Variants in CNP observed in about 807,000 individuals in gnomAD.
CNP encodes 2',3'-cyclic-nucleotide 3'-phosphodiesterase.
In CNP, 8 loss-of-function variants were observed where a neutral mutation model predicts 37.9. The observed-to-expected ratio is 0.21, with a 90% confidence interval of 0.12 to 0.38. The LOEUF is 0.38. Among genes scored for constraint, CNP ranks in the 10% least tolerant of loss-of-function variants. CNP has a pLI of 1.00. For missense variants in CNP, 457 were observed against 551.0 expected (o/e 0.83, Z 1.71); for synonymous variants, 237 against 238.3 (o/e 0.99, Z 0.05).
Position 41,968,402 on chromosome 17 carries a change from G to A in CNP, c.338G>A (p.Arg113His). The change falls in exon 2 of 4, where the codon CGC becomes CAC. Residue 113 changes from arginine to histidine, a missense_variant. This residue lies in a region of CNP where 166 missense variants were observed against 259.3 expected (regional missense o/e 0.64). Coordinates refer to ENST00000393892, the MANE Select transcript of CNP (RefSeq NM_033133.5). This position sits in a 1 kb window ranked among gnomAD's most constrained non-coding sequence, Gnocchi z 4.8. ...LDEDLAAYCR[R>H]RDIRILVLDD... ...GAGGACCTGGCTGCCTACTGCCGCC[G>A]CCGGGACATCAGAATTCTTGTGCTT... The A allele has an allele frequency of 1.2e-6, 2 of 1,614,120 alleles. No homozygotes were observed. The highest frequency in any genetic ancestry group is 1.7e-6 in the Non-Finnish European group (2 of 1,180,010).
chr17:41,973,211 G>T (rs547402864), intron 3 of CNP, among the ~76,000 whole-genome samples: 72 of 152,320 alleles, frequency 4.7e-4, no homozygotes, highest in Admixed American at 1.8e-3. Flanking sequence ...CAGTGTGCAG[G>T]GAGCTGGGCT....
intron 3 of CNP, 21 bp downstream of exon 3, chr17:41,972,052 C>T: frequency 6.2e-7 from 1 of 1,611,076 alleles, no homozygotes; most frequent in South Asian, 1.1e-5. Flanking sequence ...CCCAGGGACA[C>T]ATGGGGGAGG....
chr17:41,976,918 G>T lies in CNP; in HGVS notation c.*2994G>T. 1 of 925,394 alleles carries T rather than the reference G, an allele frequency of 1.1e-6. No homozygotes were observed. The highest frequency in any genetic ancestry group is 1.6e-6 in the Non-Finnish European group (1 of 622,986). 57.3% of individuals were successfully genotyped at this position (925,394 alleles called of 1,614,324 possible). ...GTATCAAACAGCTCAGGCTGTTTTTGGGTGCAAGAGGGAGCACGTGACTGT... is the reference window on the plus strand; with the variant it reads ...GTATCAAACAGCTCAGGCTGTTTTTTGGTGCAAGAGGGAGCACGTGACTGT... On this transcript the variant is annotated 3_prime_UTR_variant, in exon 4 of 4. Coordinates refer to ENST00000393892, the MANE Select transcript of CNP (RefSeq NM_033133.5).
Position 41,977,408 on chromosome 17 carries a change from G to C in CNP, c.*3484G>C. ...AAGAGAACTGATGACACTGAGAACAGATCTCCAAAGCTTTCCTGGAGAGTC... is the reference window on the plus strand; with the variant it reads ...AAGAGAACTGATGACACTGAGAACACATCTCCAAAGCTTTCCTGGAGAGTC... On this transcript the variant is annotated 3_prime_UTR_variant, in exon 4 of 4. Coordinates refer to ENST00000393892, the MANE Select transcript of CNP (RefSeq NM_033133.5). The C allele has an allele frequency of 2.4e-6, 3 of 1,247,528 alleles. No individual in the cohort carries two copies. Among genetic ancestry groups the C allele is most frequent in the South Asian group, 1.3e-5 (1 of 75,204 alleles). 77.3% of individuals were successfully genotyped at this position (1,247,528 alleles called of 1,614,324 possible). A position where few individuals can be genotyped will look rare whatever the true frequency, so the allele number is the denominator to read the frequency against.
Position 41,971,880 on chromosome 17 carries a change from T to G in CNP, c.677-12T>G. 6.2e-7 allele frequency: 1 copy of G among 1,613,656 alleles called. No individual in the cohort carries two copies. The highest frequency in any genetic ancestry group is 8.5e-7 in the Non-Finnish European group (1 of 1,179,776). ...CTCCCCTGCCCTGACTGCACCCGTT[T>G]TCTCCCGGCAGTCGTCCCTGGGGAT... is the stretch of plus-strand genomic sequence containing the variant. On this transcript the variant is annotated splice_polypyrimidine_tract_variant and intron_variant, in intron 2 of 3. Coordinates refer to ENST00000393892, the MANE Select transcript of CNP (RefSeq NM_033133.5).
At chr17:41,967,034 G>T (rs2050907649) in intron 1 of CNP, 147 bp downstream of exon 1, 3 of 928,144 alleles carry the variant, frequency 3.2e-6, no homozygotes, top group South Asian at 4.1e-5. Flanking sequence ...CGGCCCTGAG[G>T]TCTGGGAGAA....
intron 2 of CNP, among the ~76,000 whole-genome samples, chr17:41,969,269 A>G (rs1455253866): frequency 6.6e-6 from 1 of 152,122 alleles, no homozygotes; most frequent in African/African-American, 2.4e-5. Context: ...CAATTTACTC[A>G]TGGGTTTGTG....
chr17:41,970,755 C>T (rs537762867), intron 2 of CNP: 2 of 152,304 alleles, frequency 1.3e-5, no homozygotes, highest in East Asian at 3.9e-4. Context: ...GCCAGCAAGG[C>T]TGCTCTCAGG....
In CNP at chr17:41,975,746, C is replaced by T. The variant is rs2051066701; in HGVS notation, c.*1822C>T. 1 of 152,206 alleles carries T rather than the reference C, an allele frequency of 6.6e-6. No individual in the cohort carries two copies. The highest frequency in any genetic ancestry group is 1.5e-5 in the Non-Finnish European group (1 of 68,048). 9.4% of individuals were successfully genotyped at this position (152,206 alleles called of 1,614,324 possible). On this transcript the variant is annotated 3_prime_UTR_variant, in exon 4 of 4. Transcript: ENST00000393892. The stretch of plus-strand genomic sequence containing the variant: ...TCAGATGAAGAGAAATCCTAAGTTA[C>T]CTTTCTAGGTCAAGGCCTGTCCCTG...
At position 41,976,650 on chromosome 17, in the gene CNP, G is replaced by A. The variant is rs2051088459; in HGVS notation, c.*2726G>A. On this transcript the variant is annotated 3_prime_UTR_variant, in exon 4 of 4. Coordinates refer to ENST00000393892, the MANE Select transcript of CNP (RefSeq NM_033133.5). ...TGCTCTAAGCACACGGAGACGTGATGAAGGGAGGAGGTGAACTGTTTCCAC... is the reference window on the plus strand; with the variant it reads ...TGCTCTAAGCACACGGAGACGTGATAAAGGGAGGAGGTGAACTGTTTCCAC... The A allele has an allele frequency of 1.3e-6, 2 of 1,551,736 alleles. No individual in the cohort carries two copies. The highest frequency in any genetic ancestry group is 1.9e-5 in the Admixed American group (1 of 52,452).
chr17:41,974,182 C>T lies in CNP; in HGVS notation c.*258C>T, dbSNP rs546366740. Reference sequence around the variant, plus strand: ...TGGACCAAAGCTGACGAGGCTGGGCCAAGCCAGGGATGGGGCCACAGCCAG... The same window carrying T: ...TGGACCAAAGCTGACGAGGCTGGGCTAAGCCAGGGATGGGGCCACAGCCAG... On this transcript the variant is annotated 3_prime_UTR_variant, in exon 4 of 4. Coordinates refer to ENST00000393892, the MANE Select transcript of CNP (RefSeq NM_033133.5). 3.7e-4 allele frequency: 112 copies of T among 302,838 alleles called. 1 individual carries two copies. The East Asian group carries it at 6.1e-3, about 17-fold the overall frequency. 18.8% of individuals were successfully genotyped at this position (302,838 alleles called of 1,614,324 possible).
Position 41,975,998 on chromosome 17 carries a change from G to A in CNP, c.*2074G>A, listed in dbSNP as rs954564042. On this transcript the variant is annotated 3_prime_UTR_variant, in exon 4 of 4. Transcript: ENST00000393892. Reference sequence around the variant, plus strand: ...CACCTGTCCCACCTCAAATGGGTCTGGGGGTCAGGAGGCAGGGTTTTATCT... The same window carrying A: ...CACCTGTCCCACCTCAAATGGGTCTAGGGGTCAGGAGGCAGGGTTTTATCT... 1 of 152,280 alleles carries A rather than the reference G, an allele frequency of 6.6e-6. No homozygotes were observed. The highest frequency in any genetic ancestry group is 1.5e-5 in the Non-Finnish European group (1 of 68,102). 9.4% of individuals were successfully genotyped at this position (152,280 alleles called of 1,614,324 possible).
Position 41,968,134 on chromosome 17 carries a change from T to C in CNP, c.70T>C (p.Ser24Pro). 1.2e-6 allele frequency: 2 copies of C among 1,614,212 alleles called. No homozygotes were observed. The highest frequency in any genetic ancestry group is 1.7e-6 in the Non-Finnish European group (2 of 1,180,034). ...GATCTTCTTCCGCAAGATGTCATCC[T>C]CAGGGGCCAAGGACAAGCCTGAGCT... ...PKIFFRKMSSSGAKDKPELQF... is the reference protein window; with the variant it reads ...PKIFFRKMSSPGAKDKPELQF... Residue 24 changes from serine to proline, a missense_variant, in exon 2 of 4, where the codon TCA becomes CCA. Physicochemically the swap from Ser to Pro is moderately conservative, Grantham distance 74. This residue lies in a region of CNP where 166 missense variants were observed against 259.3 expected (regional missense o/e 0.64). Transcript: ENST00000393892. This position sits in a 1 kb window ranked among gnomAD's most constrained non-coding sequence, Gnocchi z 4.8.
intron 1 of CNP, chr17:41,967,837 T>C: frequency 7.2e-7 from 1 of 1,381,344 alleles, no homozygotes; most frequent in South Asian, 1.7e-5. Context: ...CACGTTTACC[T>C]TTCCGAAGTG....
Position 41,968,569 on chromosome 17 carries a change from C to G in CNP, c.505C>G (p.Leu169Val). Residue 169 changes from leucine to valine, a missense_variant, in exon 2 of 4, where the codon CTG (leucine) becomes GTG (valine). By Grantham distance (32) the Leu-to-Val change is conservative. This residue lies in a region of CNP where 166 missense variants were observed against 259.3 expected (regional missense o/e 0.64). Transcript: ENST00000393892. This position sits in a 1 kb window ranked among gnomAD's most constrained non-coding sequence, Gnocchi z 4.8. Reference sequence around the variant, plus strand: ...GCTCAAGGAGAAGAACCAGTGGCAGCTGTCGGCTGATGACCTGAAGAAGCT... The same window carrying G: ...GCTCAAGGAGAAGAACCAGTGGCAGGTGTCGGCTGATGACCTGAAGAAGCT... ...AQLKEKNQWQ[L>V]SADDLKKLKP... 2 of 1,614,086 alleles carry G rather than the reference C, an allele frequency of 1.2e-6. No individual in the cohort carries two copies. The highest frequency in any genetic ancestry group is 1.7e-6 in the Non-Finnish European group (2 of 1,180,038).
rs2143069692 is a variant in CNP at position 41,976,889 on chromosome 17, A to G, written c.*2965A>G. On this transcript the variant is annotated 3_prime_UTR_variant, in exon 4 of 4. Transcript: ENST00000393892. The stretch of plus-strand genomic sequence containing the variant: ...AAACTCAAACACAGAGAGAAACTCT[A>G]TGGGTATCAAACAGCTCAGGCTGTT... 2.3e-6 allele frequency: 3 copies of G among 1,288,362 alleles called. No individual in the cohort carries two copies. Among genetic ancestry groups the G allele is most frequent in the South Asian group, 2.9e-5 (2 of 68,192 alleles). 79.8% of individuals were successfully genotyped at this position (1,288,362 alleles called of 1,614,324 possible).
intron 2 of CNP, chr17:41,970,846 C>T (rs1252413897): frequency 2.0e-5 from 3 of 152,146 alleles, no homozygotes; most frequent in African/African-American, 4.8e-5. Flanking sequence ...GCGAGTGACT[C>T]CAAAGACAGC....
In CNP at chr17:41,977,185, CCAAAGAGCTGCCTA is replaced by C; in HGVS notation, c.*3262_*3275del. The C allele has an allele frequency of 6.8e-7, 1 of 1,465,798 alleles. No homozygotes were observed. Among genetic ancestry groups the C allele is most frequent in the South Asian group, 1.2e-5 (1 of 81,272 alleles). 90.8% of individuals were successfully genotyped at this position (1,465,798 alleles called of 1,614,324 possible). A position where few individuals can be genotyped will look rare whatever the true frequency, so the allele number is the denominator to read the frequency against. The stretch of plus-strand genomic sequence containing the variant: ...CCCCGCTCATGGGCCCCTCTGACTC[CCAAAGAGCTGCCTA>C]AGAGGCAATGAGTGTGTTGGCTTGT... On this transcript the variant is annotated 3_prime_UTR_variant, in exon 4 of 4. Coordinates refer to ENST00000393892, the MANE Select transcript of CNP (RefSeq NM_033133.5).
At position 41,974,003 on chromosome 17, in the gene CNP, CATTT is replaced by C; in HGVS notation, c.*80_*83del. 1.4e-5 allele frequency: 11 copies of C among 769,780 alleles called. No homozygotes were observed. Among genetic ancestry groups the C allele is most frequent in the East Asian group, 6.5e-5 (2 of 30,844 alleles). The allele number at this position is 769,780 out of a possible 1,614,324, so 47.7% of individuals were successfully genotyped here. A position where few individuals can be genotyped will look rare whatever the true frequency, so the allele number is the denominator to read the frequency against. On this transcript the variant is annotated 3_prime_UTR_variant, in exon 4 of 4. Coordinates refer to ENST00000393892, the MANE Select transcript of CNP (RefSeq NM_033133.5). ...CCTCTGTTTGATCCTTGTTTTGTGA[CATTT>C]TTTTTTTTTTTTTTTTTACTCAAAG...
Sources: gnomAD v4.1 joint callset for allele counts (sites outside exome capture counted in the v4.1 genomes callset) on GRCh38, gnomAD v4.1.1 for gene constraint, gnomAD v4.1.1 regional missense constraint, Gnocchi (gnomAD v3.1) non-coding constraint, MANE v1.5 for transcripts, NCBI Gene and HGNC (gene_info 2026-07-23, HGNC 2026-07-21) for gene names.